The following TCF20 variants were observed in gnomAD, a reference collection of about 807,000 sequenced individuals.
TCF20 encodes SPRE-binding protein.
A neutral mutation model predicts 148.6 loss-of-function variants in TCF20; 3 were observed. That is an observed-to-expected ratio of 0.02 (90% CI 0.01 to 0.05). The LOEUF (loss-of-function observed/expected upper bound fraction) is 0.05, where lower values mean the gene tolerates loss of function less well. TCF20 is among the 10% of genes least tolerant of loss of function. The pLI is 1.00. For missense variants in TCF20, 2,350 were observed against 2,429.3 expected, an observed-to-expected ratio of 0.97 and a Z score of 0.69; for synonymous variants, 1,049 against 909.5, an observed-to-expected ratio of 1.15 and a Z score of -2.76.
At chr22:42,206,351 T>C (rs1938383952) in intron 2 of TCF20, among the ~76,000 whole-genome samples, 1 of 151,626 alleles carries the variant, frequency 6.6e-6, no homozygotes. Context: ...AGGTCAGGAG[T>C]TCCAGACCAG....
chr22:42,250,723 A>G (rs562331962), intron 1 of TCF20, among the ~76,000 whole-genome samples: 3 of 152,332 alleles, frequency 2.0e-5, no homozygotes, highest in South Asian at 2.1e-4. Context: ...TTTATTGTGT[A>G]AAGTGGTGTA....
In TCF20 at chr22:42,290,833, C is replaced by T. The variant is rs1927119876; in HGVS notation, c.-37+52646G>A. Reference sequence around the variant, plus strand: ...CAGGGGCCTTGGGGCAGGCCTGCTGCCCATCCTGGTCCACTGAAGACCCTA... The same window carrying T: ...CAGGGGCCTTGGGGCAGGCCTGCTGTCCATCCTGGTCCACTGAAGACCCTA... On this transcript the variant is annotated intron_variant, in intron 1 of 1. Coordinates refer to the TCF20 transcript ENST00000515426. The surrounding 1 kb of genome is among the most constrained non-coding windows in gnomAD (Gnocchi z 4.2). Among the ~76,000 whole-genome samples, 1 of 152,214 alleles carries T rather than the reference C, an allele frequency of 6.6e-6. No individual in the cohort carries two copies. The highest frequency in any genetic ancestry group is 1.5e-5 in the Non-Finnish European group (1 of 68,030).
Position 42,210,537 on chromosome 22 carries a change from C to A in TCF20, c.4769G>T (p.Gly1590Val), listed in dbSNP as rs775358914. Reference protein sequence around the residue: ...QRQRRERRKPGAQPRKRKTKQ... With the variant: ...QRQRRERRKPVAQPRKRKTKQ... ...GGTTTTTCGCTTCCTCGGCTGGGCC[C>A]CAGGCTTCCTTCTCTCCCTCCTTTG... The change falls in exon 2 of 6, where the codon GGG becomes GTG. Residue 1590 changes from glycine to valine, a missense_variant. By Grantham distance (109) the Gly-to-Val change is moderately radical. Transcript: ENST00000677622. This position sits in a 1 kb window ranked among gnomAD's most constrained non-coding sequence, Gnocchi z 4.7. 6.2e-7 allele frequency: 1 copy of A among 1,614,158 alleles called. No homozygotes were observed. Among genetic ancestry groups the A allele is most frequent in the Admixed American group, 1.7e-5 (1 of 60,022 alleles).
chr22:42,265,740 C>G (rs185835538), intron 1 of TCF20, among the ~76,000 whole-genome samples: 1 of 152,284 alleles, frequency 6.6e-6, no homozygotes, highest in African/African-American at 2.4e-5. Flanking sequence ...GTAAATATAT[C>G]TTTTGAGTCC....
At chr22:42,311,082 T>C (rs924518617) in intron 1 of TCF20, among the ~76,000 whole-genome samples, 2 of 152,138 alleles carry the variant, frequency 1.3e-5, no homozygotes, top group Non-Finnish European at 2.9e-5. Flanking sequence ...CCTCAGAAGG[T>C]GCACACGAGT....
chr22:42,182,909 G>GT (rs577198765), intron 2 of TCF20, among the ~76,000 whole-genome samples: 99 of 149,802 alleles, frequency 6.6e-4, no homozygotes, highest in African/African-American at 1.1e-3. Flanking sequence ...GCAACTTTTT[G>GT]TTTTTTTACT....
chr22:42,341,608 C>T (rs868750138), intron 1 of TCF20, among the ~76,000 whole-genome samples: 8 of 152,154 alleles, frequency 5.3e-5, no homozygotes, highest in Non-Finnish European at 4.4e-5. Flanking sequence ...TCCTTGTCAG[C>T]CTCAAGGGGA....
chr22:42,190,623 CAGG>C, intron 2 of TCF20, among the ~76,000 whole-genome samples: 1 of 152,310 alleles, frequency 6.6e-6, no homozygotes, highest in Admixed American at 6.5e-5. Flanking sequence ...CACAGACATC[CAGG>C]AGGAGTTAAA....
At chr22:42,293,383 C>T (rs908791990) in intron 1 of TCF20, among the ~76,000 whole-genome samples, 3 of 152,240 alleles carry the variant, frequency 2.0e-5, no homozygotes, top group African/African-American at 7.2e-5. Flanking sequence ...GGCATTCAGA[C>T]AGACCCAGGG....
chr22:42,214,879 G>C lies in TCF20; in HGVS notation c.427C>G (p.His143Asp). 1 of 1,614,208 alleles carries C rather than the reference G, an allele frequency of 6.2e-7. No individual in the cohort carries two copies. The highest frequency in any genetic ancestry group is 8.5e-7 in the Non-Finnish European group (1 of 1,180,044). ...EGHVGQFQAQ[H>D]SGLGGVSHYQ... Reference sequence around the variant, plus strand: ...TGTGACACACCGCCAAGGCCAGAGTGCTGTGCTTGAAACTGGCCCACATGA... The same window carrying C: ...TGTGACACACCGCCAAGGCCAGAGTCCTGTGCTTGAAACTGGCCCACATGA... The change falls in exon 2 of 6, where the codon CAC becomes GAC. Residue 143 changes from histidine (H) to aspartate (D), a missense_variant. By Grantham distance (81) the His-to-Asp change is moderately conservative. Transcript: ENST00000677622.
chr22:42,311,209 G>C (rs1157124017), intron 1 of TCF20, among the ~76,000 whole-genome samples: 1 of 152,246 alleles, frequency 6.6e-6, no homozygotes, highest in Non-Finnish European at 1.5e-5. Context: ...TCTGGGCAGG[G>C]GTCCCTGCGG....
intron 2 of TCF20, among the ~76,000 whole-genome samples, chr22:42,207,967 T>C (rs765499834): frequency 6.6e-6 from 1 of 152,170 alleles, no homozygotes; most frequent in Non-Finnish European, 1.5e-5. Context: ...CGTGGGAGGA[T>C]TGCTTAAGCT....
chr22:42,278,566 C>T (rs1926832621), intron 1 of TCF20: 1 of 152,278 alleles, frequency 6.6e-6, no homozygotes, highest in Non-Finnish European at 1.5e-5. Flanking sequence ...GCTCCCAGGC[C>T]TGGAGGCTGG....
intron 1 of TCF20, among the ~76,000 whole-genome samples, chr22:42,238,120 T>C (rs1417363897): frequency 6.6e-6 from 1 of 152,218 alleles, no homozygotes; most frequent in Non-Finnish European, 1.5e-5. Context: ...ATCTGTTCAA[T>C]ATAGCCACCT....
At chr22:42,332,045 C>T (rs940337604) in intron 1 of TCF20, among the ~76,000 whole-genome samples, 2 of 152,244 alleles carry the variant, frequency 1.3e-5, no homozygotes, top group African/African-American at 4.8e-5. Context: ...AGTGAACCAA[C>T]GAAAGGCACC....
intron 1 of TCF20, chr22:42,269,822 G>C (rs1359763824): frequency 6.6e-6 from 1 of 152,414 alleles, no homozygotes; most frequent in African/African-American, 2.4e-5. Flanking sequence ...ACGGGCCCCT[G>C]CTCTCCTGGG....
At chr22:42,166,817 A>G (rs547974880) in intron 5 of TCF20, among the ~76,000 whole-genome samples, 1 of 152,290 alleles carries the variant, frequency 6.6e-6, no homozygotes, top group South Asian at 2.1e-4. Context: ...TCTAGGACAC[A>G]TTCCAGGAAT....
intron 1 of TCF20, among the ~76,000 whole-genome samples, chr22:42,319,283 C>T (rs2147048507): frequency 6.6e-6 from 1 of 152,300 alleles, no homozygotes; most frequent in Admixed American, 6.5e-5. Flanking sequence ...TCCTCTGGCC[C>T]TGCCCTTCCA....
intron 1 of TCF20, among the ~76,000 whole-genome samples, chr22:42,253,404 ATAAAG>A (rs1364515321): frequency 2.0e-5 from 3 of 152,218 alleles, no homozygotes; most frequent in South Asian, 4.1e-4. Context: ...AGAAAAAAAA[ATAAAG>A]TAGAGATAAT....
Sources: gnomAD v4.1 joint callset for allele counts (sites outside exome capture counted in the v4.1 genomes callset) on GRCh38, gnomAD v4.1.1 for gene constraint, Gnocchi (gnomAD v3.1) non-coding constraint, MANE v1.5 for transcripts, NCBI Gene and HGNC (gene_info 2026-07-23, HGNC 2026-07-21) for gene names.